Variants in ZSWIM2 observed in about 807,000 individuals in gnomAD.
The protein encoded by ZSWIM2 is E3 ubiquitin-protein ligase ZSWIM2.
ZSWIM2 carries 38 observed loss-of-function variants against 48.4 expected under a neutral mutation model. The observed-to-expected ratio is 0.79, with a 90% CI of 0.61 to 1.03. The LOEUF (loss-of-function observed/expected upper bound fraction) is 1.03. Ranked by LOEUF, ZSWIM2 falls within the 50% of genes least tolerant of loss-of-function variation. The pLI, the probability that ZSWIM2 is intolerant of heterozygous loss-of-function variation, is 0.00. For synonymous variants in ZSWIM2, 240 were observed against 251.3 expected, an observed-to-expected ratio of 0.96 and a Z score of 0.42; for missense variants, 776 against 730.2, an observed-to-expected ratio of 1.06 and a Z score of -0.72.
chr2:186,847,920 C>T, intron 1 of ZSWIM2, 125 bp from the exon 2 acceptor site: 1 of 555,820 alleles, frequency 1.8e-6, no homozygotes, highest in Non-Finnish European at 3.2e-6. Context: ...TGAATAGATT[C>T]TACTGGAGAA....
chr2:186,845,895 C>T (rs1691989447), intron 2 of ZSWIM2, among the ~76,000 whole-genome samples: 1 of 151,570 alleles, frequency 6.6e-6, no homozygotes, highest in Non-Finnish European at 1.5e-5. Context: ...GAAATAACAT[C>T]CTATTCAATA....
intron 2 of ZSWIM2, among the ~76,000 whole-genome samples, chr2:186,846,810 C>CATATATATATATATATATATATAT (rs36111849): frequency 0.013 from 1,833 of 143,396 alleles, 20 homozygotes; most frequent in African/African-American, 0.017. Context: ...CACACACACA[C>CATATATATATATATATATATATAT]ATATATATAT....
At chr2:186,829,904 T>A in intron 7 of ZSWIM2, 24 bp from the exon 8 acceptor site, 1 of 1,612,444 alleles carries the variant, frequency 6.2e-7, no homozygotes, top group Non-Finnish European at 8.5e-7. Context: ...AGCAGAGACA[T>A]GAGTGTTTAC....
Position 186,849,151 on chromosome 2 carries a change from GC to G in ZSWIM2, c.-22del. The G allele has an allele frequency of 6.3e-7, 1 of 1,597,462 alleles. No individual in the cohort carries two copies. The highest frequency in any genetic ancestry group is 8.5e-7 in the Non-Finnish European group (1 of 1,170,244). On this transcript the variant is annotated 5_prime_UTR_variant, in exon 1 of 9. Transcript: ENST00000295131. ...AGCATGCTGGGTGCGGGCGGAGGCG[GC>G]CCCTCTGCTCGGCTCACTGAGGCGC...
chr2:186,828,330 T>A lies in ZSWIM2; in HGVS notation c.1556A>T (p.His519Leu), dbSNP rs1451260409. 1 of 1,613,636 alleles carries A rather than the reference T, an allele frequency of 6.2e-7. No individual in the cohort carries two copies. The highest frequency in any genetic ancestry group is 8.5e-7 in the Non-Finnish European group (1 of 1,179,820). ...PSQTLLPPIV[H>L]KNIVCPTAME... ...TGCAGTGGGACACACAATATTCTTA[T>A]GAACAATAGGAGGAAGCAGTGTTTG... The change falls in exon 9 of 9, where the codon CAT becomes CTT. Residue 519 changes from histidine to leucine, a missense_variant. Coordinates refer to ENST00000295131, the MANE Select transcript of ZSWIM2 (RefSeq NM_182521.3).
In ZSWIM2 at chr2:186,847,770, C is replaced by T. The variant is rs1423094931; in HGVS notation, c.191G>A (p.Cys64Tyr). Residue 64 changes from cysteine to tyrosine, a missense_variant, in exon 2 of 9, where the codon TGT becomes TAT. By Grantham distance (194) the Cys-to-Tyr change is radical. Transcript: ENST00000295131. ...FRVFLGNPHV[C>Y]NCSTFPKGGE... ...TCCTTTCGGAAATGTGGAACAGTTA[C>T]AAACGTGAGGATTTCCTAGAAAAAC... 3.1e-6 allele frequency: 5 copies of T among 1,605,814 alleles called. No homozygotes were observed. The East Asian group carries it at 1.1e-4, about 36-fold the overall frequency.
In ZSWIM2 at chr2:186,833,931, AG is replaced by A; in HGVS notation, c.828+14del. The A allele has an allele frequency of 6.2e-7, 1 of 1,601,134 alleles. No individual in the cohort carries two copies. Among genetic ancestry groups the A allele is most frequent in the Non-Finnish European group, 8.6e-7 (1 of 1,169,176 alleles). ...AAATAGAAACACTGTATTAGATTCA[AG>A]ATGGATACTGTACCTCACGAAATGT... On this transcript the variant is annotated intron_variant, in intron 6 of 8. Transcript: ENST00000295131.
intron 5 of ZSWIM2, among the ~76,000 whole-genome samples, chr2:186,834,293 C>A (rs1277098647): frequency 3.3e-5 from 5 of 152,134 alleles, no homozygotes; most frequent in African/African-American, 7.2e-5. Context: ...AAGGGGTTGG[C>A]AGGGCTGTGT....
At chr2:186,843,320 G>T (rs145206399) in intron 3 of ZSWIM2, among the ~76,000 whole-genome samples, 11 of 151,522 alleles carry the variant, frequency 7.3e-5, no homozygotes, top group African/African-American at 2.4e-4. Flanking sequence ...TAGTCATCAC[G>T]CATGAAGGGA....
intron 3 of ZSWIM2, among the ~76,000 whole-genome samples, chr2:186,844,201 G>A (rs1357103069): frequency 6.6e-6 from 1 of 151,172 alleles, no homozygotes; most frequent in Non-Finnish European, 1.5e-5. Context: ...GAGAACTCTG[G>A]AATTTAAACT....
At position 186,828,211 on chromosome 2, in the gene ZSWIM2, G is replaced by A. The variant is rs1196077098; in HGVS notation, c.1675C>T (p.Pro559Ser). The change falls in exon 9 of 9, where the codon CCT (proline) becomes TCT (serine). Residue 559 changes from proline (P) to serine (S), a missense_variant. Pro to Ser is a moderately conservative substitution (Grantham distance 74, BLOSUM62 -1). Transcript: ENST00000295131. ...KCNNHNLKKT[P>S]ATKIREDNKR... is the part of the protein sequence containing the mutation. ...TTGTCCTCTCTTATTTTAGTGGCAG[G>A]AGTCTTCTTTAGGTTGTGGTTATTA... 2 of 1,613,516 alleles carry A rather than the reference G, an allele frequency of 1.2e-6. No homozygotes were observed. The highest frequency in any genetic ancestry group is 3.3e-5 in the Admixed American group (2 of 59,896).
At position 186,827,924 on chromosome 2, in the gene ZSWIM2, G is replaced by C; in HGVS notation, c.*60C>G. ...TGTCAAGACTATGTGTGCTTTTTAT[G>C]TTCTATATAAAACATTTTTTTATAT... On this transcript the variant is annotated 3_prime_UTR_variant, in exon 9 of 9. Coordinates refer to ENST00000295131, the MANE Select transcript of ZSWIM2 (RefSeq NM_182521.3). 1 of 1,354,544 alleles carries C rather than the reference G, an allele frequency of 7.4e-7. No homozygotes were observed. Among genetic ancestry groups the C allele is most frequent in the East Asian group, 2.5e-5 (1 of 39,824 alleles). The allele number at this position is 1,354,544 out of a possible 1,614,324, so 83.9% of individuals were successfully genotyped here. A position where few individuals can be genotyped will look rare whatever the true frequency, so the allele number is the denominator to read the frequency against.
In ZSWIM2 at chr2:186,829,775, C is replaced by T; in HGVS notation, c.1047G>A (p.Lys349=). The change falls in exon 8 of 9, where the codon AAG becomes AAA. Residue 349 remains lysine (K), a synonymous_variant. Coordinates refer to ENST00000295131, the MANE Select transcript of ZSWIM2 (RefSeq NM_182521.3). Reference sequence around the variant, plus strand: ...TTGTATGTTGACCAAGATGAAATGCCTTCAAACAAAGTAGACACTGGTAGC... The same window carrying T: ...TTGTATGTTGACCAAGATGAAATGCTTTCAAACAAAGTAGACACTGGTAGC... ...APGYQCLLCL[K]AFHLGQHTRL... The T allele has an allele frequency of 6.2e-7, 1 of 1,613,402 alleles. No individual in the cohort carries two copies. The highest frequency in any genetic ancestry group is 8.5e-7 in the Non-Finnish European group (1 of 1,179,658).
chr2:186,829,628 G>T, intron 8 of ZSWIM2, 99 bp downstream of exon 8: 1 of 1,269,878 alleles, frequency 7.9e-7, no homozygotes, highest in South Asian at 1.4e-5. Flanking sequence ...CCTCTGTACA[G>T]AGCACAACTC....
chr2:186,830,794 C>A (rs1691685213), intron 7 of ZSWIM2, among the ~76,000 whole-genome samples: 1 of 143,372 alleles, frequency 7.0e-6, no homozygotes, highest in Non-Finnish European at 1.5e-5. Flanking sequence ...CTATTTGATG[C>A]CACTCCAACT....
intron 3 of ZSWIM2, among the ~76,000 whole-genome samples, chr2:186,840,938 C>T (rs1293851163): frequency 6.6e-6 from 1 of 151,226 alleles, no homozygotes; most frequent in Non-Finnish European, 1.5e-5. Flanking sequence ...AATAAATAGC[C>T]AAAATACAAT....
chr2:186,831,295 C>T (rs750274436), intron 7 of ZSWIM2, among the ~76,000 whole-genome samples: 1 of 151,896 alleles, frequency 6.6e-6, no homozygotes, highest in Non-Finnish European at 1.5e-5. Flanking sequence ...TACCCATGGG[C>T]ATGGGCTATA....
intron 2 of ZSWIM2, among the ~76,000 whole-genome samples, chr2:186,847,175 C>A (rs1474976528): frequency 1.3e-5 from 2 of 151,830 alleles, no homozygotes; most frequent in Non-Finnish European, 2.9e-5. Context: ...AAATAAATAA[C>A]CTGAACTATT....
intron 5 of ZSWIM2, among the ~76,000 whole-genome samples, chr2:186,834,464 A>G (rs919029627): frequency 8.5e-5 from 13 of 152,124 alleles, no homozygotes; most frequent in African/African-American, 2.9e-4. Flanking sequence ...TCCTTCTGTC[A>G]GATCAGCGGT....
Sources: gnomAD v4.1 joint callset for allele counts (sites outside exome capture counted in the v4.1 genomes callset) on GRCh38, gnomAD v4.1.1 for gene constraint, MANE v1.5 for transcripts, NCBI Gene and HGNC (gene_info 2026-07-23, HGNC 2026-07-21) for gene names.